The following DPP6 variants were observed in gnomAD, a reference collection of about 807,000 sequenced individuals.
DPP6 encodes the protein dipeptidyl peptidase like 6, also known as A-type potassium channel modulatory protein DPP6.
A neutral mutation model predicts 122.6 loss-of-function variants in DPP6; 69 were observed. That is an observed-to-expected ratio of 0.56 (90% CI 0.46 to 0.69). The LOEUF (loss-of-function observed/expected upper bound fraction) is 0.69. DPP6 is among the 30% of genes least tolerant of loss of function. The pLI, the probability that DPP6 is intolerant of heterozygous loss-of-function variation, is 0.00. For synonymous variants in DPP6, 418 were observed against 433.1 expected (o/e 0.97, Z 0.43); for missense variants, 928 against 1,116.9 (o/e 0.83, Z 2.41).
At chr7:153,847,767 C>T in the DPP6 span, among the ~76,000 whole-genome samples, 16 of 152,154 alleles carry the variant, frequency 1.1e-4, no homozygotes, top group Non-Finnish European at 1.8e-4. Context: ...TTTTTTCATC[C>T]ATCTATCGCC....
chr7:154,664,045 A>G lies in DPP6; in HGVS notation c.681-5315A>G, dbSNP rs10085707. Among the ~76,000 whole-genome samples the G allele has an allele frequency of 9.4e-4, 56 of 59,670 alleles. 2 individuals are homozygous for G. The East Asian group carries it at 0.01, about 11-fold the overall frequency. 39.1% of individuals were successfully genotyped at this position (59,670 alleles called of 152,430 possible). On this transcript the variant is annotated intron_variant, in intron 6 of 25. Transcript: ENST00000377770. ...TATAGTCATGGTGAATCACCATGGC[A>G]TATCGGCCGTAGTGTTCATATAGTC...
chr7:154,864,485 G>A (rs1803684357), intron 17 of DPP6, among the ~76,000 whole-genome samples: 1 of 152,182 alleles, frequency 6.6e-6, no homozygotes, highest in East Asian at 1.9e-4. Flanking sequence ...ATTAAAGAGT[G>A]GCCATTTGTG....
At chr7:154,317,040 A>G (rs1807492101) in intron 1 of DPP6, among the ~76,000 whole-genome samples, 1 of 152,194 alleles carries the variant, frequency 6.6e-6, no homozygotes, top group Non-Finnish European at 1.5e-5. Context: ...AAGCAGAAGC[A>G]TGATTATATG....
chr7:154,034,043 A>T (rs566216198), intron 1 of DPP6, among the ~76,000 whole-genome samples: 237 of 152,336 alleles, frequency 1.6e-3, no homozygotes, highest in South Asian at 9.5e-3. Context: ...ACTGTGAACG[A>T]CGTGAATGCC....
intron 1 of DPP6, among the ~76,000 whole-genome samples, chr7:154,024,278 T>C (rs1433579025): frequency 6.6e-6 from 1 of 152,206 alleles, no homozygotes; most frequent in Non-Finnish European, 1.5e-5. Flanking sequence ...TAGATATAGT[T>C]ATATGTGAGC....
At chr7:154,779,430 TAAAC>T (rs1312670363) in intron 10 of DPP6, among the ~76,000 whole-genome samples, 1 of 152,076 alleles carries the variant, frequency 6.6e-6, no homozygotes, top group Non-Finnish European at 1.5e-5. Flanking sequence ...TTCCCTATCA[TAAAC>T]AAGCTCTCCT....
chr7:154,168,365 A>T (rs185681217), intron 1 of DPP6, among the ~76,000 whole-genome samples: 4 of 152,340 alleles, frequency 2.6e-5, no homozygotes, highest in Non-Finnish European at 5.9e-5. Context: ...AAACGCATTG[A>T]TCACCCTGCT....
At chr7:154,264,627 T>C (rs905565011) in intron 1 of DPP6, among the ~76,000 whole-genome samples, 1 of 152,130 alleles carries the variant, frequency 6.6e-6, no homozygotes, top group African/African-American at 2.4e-5. Flanking sequence ...GTGATGGTGA[T>C]GATGATGTTA....
At chr7:153,821,099 T>G in the DPP6 span, among the ~76,000 whole-genome samples, 11 of 152,194 alleles carry the variant, frequency 7.2e-5, no homozygotes, top group African/African-American at 2.7e-4. Flanking sequence ...CAGTAATATT[T>G]TGAATTTTTA....
At chr7:154,043,173 A>G (rs1226925295) in intron 1 of DPP6, among the ~76,000 whole-genome samples, 2 of 152,050 alleles carry the variant, frequency 1.3e-5, no homozygotes, top group African/African-American at 4.8e-5. Context: ...GAATCATCTG[A>G]GGTCAGGGGT....
intron 3 of DPP6, among the ~76,000 whole-genome samples, chr7:154,522,025 C>T (rs1306823482): frequency 2.0e-5 from 3 of 151,880 alleles, no homozygotes; most frequent in African/African-American, 7.3e-5. Flanking sequence ...AGTGCAGTGG[C>T]GCGATCTCGG....
chr7:154,765,684 A>G (rs978531956), intron 8 of DPP6, among the ~76,000 whole-genome samples: 14 of 152,214 alleles, frequency 9.2e-5, no homozygotes, highest in African/African-American at 2.9e-4. Flanking sequence ...AGAGAGAAGC[A>G]GCCATTGAAC....
At chr7:153,930,141 C>G (rs1249569507) in intron 1 of DPP6, among the ~76,000 whole-genome samples, 1 of 152,220 alleles carries the variant, frequency 6.6e-6, no homozygotes, top group Non-Finnish European at 1.5e-5. Flanking sequence ...CCATTTCTTG[C>G]TGGCTACAGT....
At chr7:154,806,421 GC>G (rs1798701663) in intron 15 of DPP6, among the ~76,000 whole-genome samples, 1 of 152,292 alleles carries the variant, frequency 6.6e-6, no homozygotes, top group South Asian at 2.1e-4. Flanking sequence ...ACATCTTCAA[GC>G]CAGTTCCCAC....
Position 154,868,033 on chromosome 7 carries a change from G to A in DPP6, c.1753G>A (p.Ala585Thr), listed in dbSNP as rs375516548. ...AGAAACAAATGAACATGTCAAGAAGGCCATAAATGACCGACAGATGCCTAA... is the reference window on the plus strand; with the variant it reads ...AGAAACAAATGAACATGTCAAGAAGACCATAAATGACCGACAGATGCCTAA... ...DLETNEHVKK[A>T]INDRQMPKVE... is the part of the protein sequence containing the mutation. Residue 585 changes from alanine (A) to threonine (T), a missense_variant, in exon 18 of 26, where the codon GCC becomes ACC. Coordinates refer to ENST00000377770, the MANE Select transcript of DPP6 (RefSeq NM_130797.4). 5 of 1,608,502 alleles carry A rather than the reference G, an allele frequency of 3.1e-6. No individual in the cohort carries two copies. The South Asian group carries it at 5.6e-5, about 18-fold the overall frequency.
intron 1 of DPP6, among the ~76,000 whole-genome samples, chr7:154,376,727 G>A (rs1813160222): frequency 6.6e-6 from 1 of 152,142 alleles, no homozygotes; most frequent in Admixed American, 6.5e-5. Flanking sequence ...TGCCTCTAAA[G>A]CTAATCTCTC....
intron 1 of DPP6, among the ~76,000 whole-genome samples, chr7:153,896,287 G>A (rs38978): frequency 0.78 from 118,106 of 151,742 alleles, 45,838 homozygotes; most frequent in East Asian, 0.82. Flanking sequence ...AGTCTCATAC[G>A]TTTCATTACA....
At chr7:154,685,419 T>A (rs1245358232) in intron 7 of DPP6, among the ~76,000 whole-genome samples, 1 of 152,182 alleles carries the variant, frequency 6.6e-6, no homozygotes, top group Non-Finnish European at 1.5e-5. Flanking sequence ...GCCCAGAGGC[T>A]CTGGTTCGTT....
chr7:154,164,955 C>T (rs1194960996), intron 1 of DPP6, among the ~76,000 whole-genome samples: 1 of 152,018 alleles, frequency 6.6e-6, no homozygotes, highest in African/African-American at 2.4e-5. Context: ...GTGGATATAA[C>T]TGTTAGATTT....
Sources: allele counts gnomAD v4.1 joint callset (sites outside exome capture counted in the v4.1 genomes callset), GRCh38; gene constraint gnomAD v4.1.1; transcripts MANE v1.5; gene names NCBI Gene and HGNC (gene_info 2026-07-23, HGNC 2026-07-21).